The following CRYBG3 variants were observed in gnomAD, a reference collection of about 807,000 sequenced individuals.
CRYBG3 encodes the protein very large A-kinase anchor protein.
Under a neutral mutation model 244.2 loss-of-function variants are expected in CRYBG3, and 127 were observed. The ratio of observed to expected loss-of-function variants is 0.52; its 90% CI spans 0.45 to 0.60. CRYBG3 has a LOEUF of 0.60. CRYBG3 is among the 20% of genes least tolerant of loss of function. The probability of loss-of-function intolerance (pLI) is 0.00; values close to 1 mark genes in which losing one functional copy is unlikely to be tolerated. For missense variants in CRYBG3, 3,325 were observed against 3,442.5 expected, an observed-to-expected ratio of 0.97 and a Z score of 0.85; for synonymous variants, 1,132 against 1,195.8, an observed-to-expected ratio of 0.95 and a Z score of 1.10.
intron 1 of CRYBG3, among the ~76,000 whole-genome samples, chr3:97,825,452 C>T (rs2038565638): frequency 6.6e-6 from 1 of 152,190 alleles, no homozygotes; most frequent in Admixed American, 6.5e-5. Context: ...GGTACTTTTA[C>T]TTGCAACGTA....
In CRYBG3 at chr3:97,875,564, A is replaced by G; in HGVS notation, c.4370A>G (p.Glu1457Gly). 2 of 1,242,594 alleles carry G rather than the reference A, an allele frequency of 1.6e-6. No homozygotes were observed. Among genetic ancestry groups the G allele is most frequent in the Non-Finnish European group, 2.0e-6 (2 of 995,086 alleles). The allele number at this position is 1,242,594 out of a possible 1,614,324, so 77.0% of individuals were successfully genotyped here. ...SEDCNETMEI[E>G]NVDNNKTETE... ...GACTGTAATGAGACAATGGAAATAG[A>G]GAATGTGGATAATAACAAAACTGAG... is the stretch of plus-strand genomic sequence containing the variant. The change falls in exon 4 of 22, where the codon GAG becomes GGG. Residue 1457 changes from glutamate (E) to glycine (G), a missense_variant. Physicochemically the swap from Glu to Gly is moderately conservative, Grantham distance 98 (BLOSUM62 -2). This residue lies in a region of CRYBG3 where 635 missense variants were observed against 771.7 expected (regional missense o/e 0.82). Transcript: ENST00000389622.
At chr3:97,928,283 C>A (rs1349419316) in intron 17 of CRYBG3, among the ~76,000 whole-genome samples, 2 of 151,972 alleles carry the variant, frequency 1.3e-5, no homozygotes, top group East Asian at 3.9e-4. Flanking sequence ...AGGCCATTAT[C>A]TGAAGCTTAT....
At chr3:97,923,827 C>A (rs568590496) in intron 17 of CRYBG3, among the ~76,000 whole-genome samples, 1 of 152,158 alleles carries the variant, frequency 6.6e-6, no homozygotes, top group Admixed American at 6.6e-5. Flanking sequence ...GAGATACAAT[C>A]TTTTATAGGT....
intron 11 of CRYBG3, among the ~76,000 whole-genome samples, chr3:97,895,000 CT>C: frequency 6.6e-6 from 1 of 152,282 alleles, no homozygotes; most frequent in Non-Finnish European, 1.5e-5. Flanking sequence ...ATTTGGAATA[CT>C]TTCTGTACCT....
At chr3:97,851,257 T>C (rs1363026051) in intron 2 of CRYBG3, among the ~76,000 whole-genome samples, 1 of 152,226 alleles carries the variant, frequency 6.6e-6, no homozygotes, top group Non-Finnish European at 1.5e-5. Flanking sequence ...ATTTCAACTT[T>C]TGGCAAAATT....
intron 15 of CRYBG3, among the ~76,000 whole-genome samples, chr3:97,909,131 G>C (rs2039829782): frequency 1.3e-5 from 2 of 152,036 alleles, no homozygotes; most frequent in Admixed American, 6.5e-5. Flanking sequence ...TTAGTCTGAT[G>C]GGCTTCCCTT....
Position 97,868,099 on chromosome 3 carries a change from C to T in CRYBG3, c.647+3452C>T, listed in dbSNP as rs917604244. Among the ~76,000 whole-genome samples, 12 of 151,960 alleles carry T rather than the reference C, an allele frequency of 7.9e-5. No individual in the cohort carries two copies. In the East Asian group the frequency reaches 9.7e-4, roughly 12 times the overall value. The stretch of plus-strand genomic sequence containing the variant: ...GAGATCGAGACCATCCTGGCTAACA[C>T]GGTGAAACCCTTTCTCTACTAAAAA... On this transcript the variant is annotated intron_variant, in intron 3 of 21. Coordinates refer to ENST00000389622, the MANE Select transcript of CRYBG3 (RefSeq NM_153605.4).
Position 97,873,602 on chromosome 3 carries a change from T to C in CRYBG3, c.2408T>C (p.Leu803Pro). The change falls in exon 4 of 22, where the codon CTT becomes CCT. Residue 803 changes from leucine to proline, a missense_variant. Leu to Pro is a moderately conservative substitution (Grantham distance 98, BLOSUM62 -3). This residue lies in a region of CRYBG3 where 1,526 missense variants were observed against 1,443.2 expected (regional missense o/e 1.06). Coordinates refer to ENST00000389622, the MANE Select transcript of CRYBG3 (RefSeq NM_153605.4). ...NMSIIEKSDS[L>P]SLEAKTANIV... ...AGCATAATAGAGAAGTCTGATTCTCTTTCCTTGGAAGCCAAAACTGCTAAC... is the reference window on the plus strand; with the variant it reads ...AGCATAATAGAGAAGTCTGATTCTCCTTCCTTGGAAGCCAAAACTGCTAAC... 1 of 1,534,642 alleles carries C rather than the reference T, an allele frequency of 6.5e-7. No homozygotes were observed. The highest frequency in any genetic ancestry group is 1.2e-5 in the South Asian group (1 of 83,684).
Position 97,943,407 on chromosome 3 carries a change from C to T in CRYBG3, c.*93C>T, listed in dbSNP as rs1213308098. On this transcript the variant is annotated 3_prime_UTR_variant, in exon 22 of 22. Coordinates refer to ENST00000389622, the MANE Select transcript of CRYBG3 (RefSeq NM_153605.4). The stretch of plus-strand genomic sequence containing the variant: ...TGGACGTGGAAAGGAAGCTACTGTC[C>T]TCACACTCCTGGATCACTGAGCAGA... The T allele has an allele frequency of 1.4e-6, 1 of 730,516 alleles. No individual in the cohort carries two copies. Among genetic ancestry groups the T allele is most frequent in the Non-Finnish European group, 2.4e-6 (1 of 419,808 alleles). The allele number at this position is 730,516 out of a possible 1,614,324, so 45.3% of individuals were successfully genotyped here. A position where few individuals can be genotyped will look rare whatever the true frequency, so the allele number is the denominator to read the frequency against.
At chr3:97,823,969 T>C (rs2038544503) in intron 1 of CRYBG3, among the ~76,000 whole-genome samples, 1 of 152,218 alleles carries the variant, frequency 6.6e-6, no homozygotes, top group African/African-American at 2.4e-5. Context: ...ATTCTCATCA[T>C]CTCCAGATTG....
At chr3:97,844,932 A>G (rs999075914) in intron 2 of CRYBG3, among the ~76,000 whole-genome samples, 2 of 152,194 alleles carry the variant, frequency 1.3e-5, no homozygotes, top group African/African-American at 2.4e-5. Context: ...GTTTACTTAT[A>G]TACAGAAACT....
intron 1 of CRYBG3, among the ~76,000 whole-genome samples, chr3:97,823,156 A>G (rs1371043957): frequency 6.6e-6 from 1 of 152,156 alleles, no homozygotes; most frequent in African/African-American, 2.4e-5. Flanking sequence ...GACATGCCTC[A>G]TTTAAATGCC....
At position 97,944,881 on chromosome 3, in the gene CRYBG3, C is replaced by G. The variant is rs768006058; in HGVS notation, c.*1567C>G. The G allele has an allele frequency of 1.6e-4, 32 of 194,924 alleles. No individual in the cohort carries two copies. The highest frequency in any genetic ancestry group is 3.1e-4 in the Non-Finnish European group (30 of 96,722). The allele number at this position is 194,924 out of a possible 1,614,324, so 12.1% of individuals were successfully genotyped here. A position where few individuals can be genotyped will look rare whatever the true frequency, so the allele number is the denominator to read the frequency against. On this transcript the variant is annotated 3_prime_UTR_variant, in exon 22 of 22. Coordinates refer to ENST00000389622, the MANE Select transcript of CRYBG3 (RefSeq NM_153605.4). ...AGTTGTTTCTTCCAAAGAACAAAGC[C>G]AGGTTAATGACATTCAATTCTAAAT...
intron 1 of CRYBG3, among the ~76,000 whole-genome samples, chr3:97,834,142 G>C (rs2038695863): frequency 6.6e-6 from 1 of 151,970 alleles, no homozygotes; most frequent in African/African-American, 2.4e-5. Context: ...ACTTTGGAGG[G>C]GACAGACATC....
chr3:97,875,123 A>G lies in CRYBG3; in HGVS notation c.3929A>G (p.Asn1310Ser), dbSNP rs1439622753. 9.1e-6 allele frequency: 14 copies of G among 1,534,838 alleles called. No individual in the cohort carries two copies. The highest frequency in any genetic ancestry group is 1.2e-5 in the Non-Finnish European group (14 of 1,146,142). The change falls in exon 4 of 22, where the codon AAT becomes AGT. Residue 1310 changes from asparagine (N) to serine (S), a missense_variant. Physicochemically the swap from Asn to Ser is conservative, Grantham distance 46. Around this residue, in one of 4 missense-constraint regions of CRYBG3, gnomAD observed 635 missense variants for 771.7 expected, o/e 0.82. Coordinates refer to ENST00000389622, the MANE Select transcript of CRYBG3 (RefSeq NM_153605.4). ...GAAGATAAAGCTAGGGAATTAGTCA[A>G]TGAGATTATTTATGTAGCCCAAGAA... The part of the protein sequence containing the change: ...LLEDKARELV[N>S]EIIYVAQEKL...
At chr3:97,942,151 ATATAG>A (rs755022602) in intron 20 of CRYBG3, 128 bp from the exon 21 acceptor site, 484 of 659,448 alleles carry the variant, frequency 7.3e-4, no homozygotes, top group Admixed American at 1.4e-3. Context: ...AAATTATACT[ATATAG>A]TATTTTTTTA....
intron 19 of CRYBG3, among the ~76,000 whole-genome samples, chr3:97,939,881 T>C (rs1355972642): frequency 6.6e-6 from 1 of 152,074 alleles, no homozygotes. Flanking sequence ...TTGGCTTAAG[T>C]GCTGAGAATG....
At position 97,888,382 on chromosome 3, in the gene CRYBG3, C is replaced by T. The variant is rs2039533740; in HGVS notation, c.7331C>T (p.Thr2444Ile). 1 of 1,612,688 alleles carries T rather than the reference C, an allele frequency of 6.2e-7. No homozygotes were observed. The highest frequency in any genetic ancestry group is 2.2e-5 in the East Asian group (1 of 44,804). The change falls in exon 9 of 22, where the codon ACA becomes ATA. Residue 2444 changes from threonine (T) to isoleucine (I), a missense_variant. By Grantham distance (89) the Thr-to-Ile change is moderately conservative (BLOSUM62 -1). This residue lies in a region of CRYBG3 where 714 missense variants were observed against 803.6 expected (regional missense o/e 0.89). Coordinates refer to ENST00000389622, the MANE Select transcript of CRYBG3 (RefSeq NM_153605.4). ...YPDINFKGQA[T>I]VLEEDHGLFE... ...GATATTAATTTTAAGGGACAAGCTA[C>T]AGTTCTGGAGGAAGACCATGGGCTC...
intron 19 of CRYBG3, 82 bp from the exon 20 acceptor site, chr3:97,941,066 T>C: frequency 8.6e-7 from 1 of 1,168,522 alleles, no homozygotes; most frequent in Non-Finnish European, 1.2e-6. Flanking sequence ...CCTCTCACTT[T>C]CCCTCCCAGC....
Sources: gnomAD v4.1 joint callset for allele counts (sites outside exome capture counted in the v4.1 genomes callset) on GRCh38, gnomAD v4.1.1 for gene constraint, gnomAD v4.1.1 regional missense constraint, MANE v1.5 for transcripts, NCBI Gene and HGNC (gene_info 2026-07-23, HGNC 2026-07-21) for gene names.